Variants in RRAD observed in about 807,000 individuals in gnomAD.
RRAD encodes GTP-binding protein RAD.
RRAD carries 15 observed loss-of-function variants against 24.7 expected under a neutral mutation model. That is an observed-to-expected ratio of 0.61 (90% CI 0.41 to 0.93). The LOEUF is 0.93. RRAD is among the 40% of genes least tolerant of loss of function. The pLI is 0.00. For missense variants in RRAD, 438 were observed against 452.2 expected (o/e 0.97, Z 0.29); for synonymous variants, 180 against 189.8 (o/e 0.95, Z 0.43).
chr16:66,924,998 G>T lies in RRAD; in HGVS notation c.182C>A (p.Ala61Asp). 7.0e-7 allele frequency: 1 copy of T among 1,430,184 alleles called. No homozygotes were observed. The highest frequency in any genetic ancestry group is 9.2e-7 in the Non-Finnish European group (1 of 1,087,426). 88.6% of individuals were successfully genotyped at this position (1,430,184 alleles called of 1,614,324 possible). A position where few individuals can be genotyped will look rare whatever the true frequency, so the allele number is the denominator to read the frequency against. ...LTPGALTAAA[A>D]GTGTQGPRLD... ...CCTGGGACCCTGGGTCCCCGTCCCGGCCGCGGCCGCCGTCAGGGCACCCGG... is the reference window on the plus strand; with the variant it reads ...CCTGGGACCCTGGGTCCCCGTCCCGTCCGCGGCCGCCGTCAGGGCACCCGG... The change falls in exon 2 of 5, where the codon GCC (alanine) becomes GAC (aspartate). Residue 61 changes from alanine (A) to aspartate (D), a missense_variant. Physicochemically the swap from Ala to Asp is moderately radical, Grantham distance 126 (BLOSUM62 -2). Coordinates refer to ENST00000299759, the MANE Select transcript of RRAD (RefSeq NM_004165.3). The surrounding 1 kb of genome is among the most constrained non-coding windows in gnomAD (Gnocchi z 4.2).
Position 66,921,800 on chromosome 16 carries a change from C to T in RRAD, c.*276G>A, listed in dbSNP as rs1234829505. ...CTGTGAAAAAAGGCAGAGTCCTCTC[C>T]CGGCACGCAGGCCTGCCCGGCGGCT... On this transcript the variant is annotated 3_prime_UTR_variant, in exon 5 of 5. Coordinates refer to ENST00000299759, the MANE Select transcript of RRAD (RefSeq NM_004165.3). The T allele has an allele frequency of 2.5e-6, 1 of 403,284 alleles. No homozygotes were observed. Among genetic ancestry groups the T allele is most frequent in the Admixed American group, 4.3e-5 (1 of 23,214 alleles). The allele number at this position is 403,284 out of a possible 1,614,324, so 25.0% of individuals were successfully genotyped here. A position where few individuals can be genotyped will look rare whatever the true frequency, so the allele number is the denominator to read the frequency against.
Position 66,925,021 on chromosome 16 carries a change from C to A in RRAD, c.159G>T (p.Pro53=), listed in dbSNP as rs1350018860. The A allele has an allele frequency of 1.4e-6, 2 of 1,402,580 alleles. No individual in the cohort carries two copies. Among genetic ancestry groups the A allele is most frequent in the Admixed American group, 5.1e-5 (2 of 38,952 alleles). 86.9% of individuals were successfully genotyped at this position (1,402,580 alleles called of 1,614,324 possible). The change falls in exon 2 of 5, where the codon CCG becomes CCT. Residue 53 remains proline (P), a synonymous_variant. Transcript: ENST00000299759. This position sits in a 1 kb window ranked among gnomAD's most constrained non-coding sequence, Gnocchi z 5.2. The stretch of plus-strand genomic sequence containing the variant: ...CGGCCGCGGCCGCCGTCAGGGCACC[C>A]GGGGTCAGCGCCGCCTGCAGGTCGC... ...DERDLQAALT[P]GALTAAAAGT...
In RRAD at chr16:66,923,524, G is replaced by A. The variant is rs747510316; in HGVS notation, c.641C>T (p.Ser214Leu). 25 of 1,605,080 alleles carry A rather than the reference G, an allele frequency of 1.6e-5. No individual in the cohort carries two copies. Among genetic ancestry groups the A allele is most frequent in the African/African-American group, 1.3e-4 (10 of 74,360 alleles). Residue 214 changes from serine to leucine, a missense_variant, in exon 4 of 5, where the codon TCG (serine) becomes TTG (leucine). Coordinates refer to ENST00000299759, the MANE Select transcript of RRAD (RefSeq NM_004165.3). This position sits in a 1 kb window ranked among gnomAD's most constrained non-coding sequence, Gnocchi z 4.9. The stretch of plus-strand genomic sequence containing the variant: ...ACCTGCCGCCTACTCACCATCCACC[G>A]AGACCTCACGAGAGCGCACCAGGTC... ...KSDLVRSREV[S>L]VDEGRACAVV...
rs375350842 is a variant in RRAD, at chr16:66,924,832, G to A, written c.348C>T (p.Asp116=). Residue 116 remains aspartate (D), a synonymous_variant, in exon 2 of 5, where the codon GAC becomes GAT. Coordinates refer to ENST00000299759, the MANE Select transcript of RRAD (RefSeq NM_004165.3). The surrounding 1 kb of genome is among the most constrained non-coding windows in gnomAD (Gnocchi z 4.2). The part of the protein sequence containing the change: ...ALARIFGGVE[D]GPEAEAAGHT... ...CACCTGCTGCCTCTGCTTCAGGCCC[G>A]TCCTCCACACCGCCGAAGATGCGCG... 1.7e-5 allele frequency: 27 copies of A among 1,585,296 alleles called. No individual in the cohort carries two copies. The African/African-American group carries it at 2.1e-4, about 13-fold the overall frequency.
At position 66,922,001 on chromosome 16, in the gene RRAD, G is replaced by T; in HGVS notation, c.*75C>A. The T allele has an allele frequency of 7.2e-7, 1 of 1,393,698 alleles. No homozygotes were observed. The highest frequency in any genetic ancestry group is 9.9e-7 in the Non-Finnish European group (1 of 1,014,782). The allele number at this position is 1,393,698 out of a possible 1,614,324, so 86.3% of individuals were successfully genotyped here. On this transcript the variant is annotated 3_prime_UTR_variant, in exon 5 of 5. Transcript: ENST00000299759. The stretch of plus-strand genomic sequence containing the variant: ...ACCCAGAGTCTGAGCCTGCTCTGAG[G>T]CACCCGGGGCAGTTGGCTGGGCCAG...
chr16:66,925,404 C>T lies in RRAD; in HGVS notation c.-16+5G>A, dbSNP rs1962986061. The stretch of plus-strand genomic sequence containing the variant: ...GCCCCGACCCCGCTCCGCCAGGACA[C>T]TCACCCACTCGCACACAGACACGCT... On this transcript the variant is annotated splice_donor_5th_base_variant and intron_variant, in intron 1 of 4. Coordinates refer to ENST00000299759, the MANE Select transcript of RRAD (RefSeq NM_004165.3). The surrounding 1 kb of genome is among the most constrained non-coding windows in gnomAD (Gnocchi z 5.2). The T allele has an allele frequency of 2.8e-6, 1 of 356,264 alleles. No individual in the cohort carries two copies. Among genetic ancestry groups the T allele is most frequent in the Non-Finnish European group, 5.0e-6 (1 of 200,924 alleles). The allele number at this position is 356,264 out of a possible 1,614,324, so 22.1% of individuals were successfully genotyped here.
In RRAD at chr16:66,921,993, G is replaced by T. The variant is rs772841767; in HGVS notation, c.*83C>A. On this transcript the variant is annotated 3_prime_UTR_variant, in exon 5 of 5. Transcript: ENST00000299759. ...TCCGAGGGACCCAGAGTCTGAGCCT[G>T]CTCTGAGGCACCCGGGGCAGTTGGC... 1.5e-6 allele frequency: 2 copies of T among 1,323,892 alleles called. No homozygotes were observed. The highest frequency in any genetic ancestry group is 1.0e-6 in the Non-Finnish European group (1 of 954,350). The allele number at this position is 1,323,892 out of a possible 1,614,324, so 82.0% of individuals were successfully genotyped here.
Position 66,925,090 on chromosome 16 carries a change from G to A in RRAD, c.90C>T (p.Gly30=), listed in dbSNP as rs113404232. Residue 30 remains glycine, a synonymous_variant, in exon 2 of 5, where the codon GGC becomes GGT. Coordinates refer to ENST00000299759, the MANE Select transcript of RRAD (RefSeq NM_004165.3). The surrounding 1 kb of genome is among the most constrained non-coding windows in gnomAD (Gnocchi z 5.2). The part of the protein sequence containing the change: ...RERRRGSTPW[G]PAPPLHRRSM... ...TGCGGCGGTGCAGCGGCGGGGCGGG[G>A]CCCCAGGGTGTGCTGCCCCGACGGC... 36,516 of 1,242,512 alleles carry A rather than the reference G, an allele frequency of 0.029. 1,134 individuals carry two copies. The highest frequency in any genetic ancestry group is 0.15 in the African/African-American group (9,810 of 64,196). 77.0% of individuals were successfully genotyped at this position (1,242,512 alleles called of 1,614,324 possible).
At position 66,922,272 on chromosome 16, in the gene RRAD, A is replaced by T. The variant is rs1302196170; in HGVS notation, c.731T>A (p.Phe244Tyr). ...GCGTATCTGGCGCACGACACCTTCA[A>T]ACAGCGCCTGGACATTGTGGTGCAA... ...AALHHNVQAL[F>Y]EGVVRQIRLR... Residue 244 changes from phenylalanine to tyrosine, a missense_variant, in exon 5 of 5, where the codon TTT becomes TAT. Phe to Tyr is a conservative substitution (Grantham distance 22). Coordinates refer to ENST00000299759, the MANE Select transcript of RRAD (RefSeq NM_004165.3). 2 of 1,613,904 alleles carry T rather than the reference A, an allele frequency of 1.2e-6. No homozygotes were observed. Among genetic ancestry groups the T allele is most frequent in the Non-Finnish European group, 1.7e-6 (2 of 1,179,872 alleles).
Position 66,925,058 on chromosome 16 carries a change from G to A in RRAD, c.122C>T (p.Pro41Leu). Reference protein sequence around the residue: ...PAPPLHRRSMPVDERDLQAAL... With the variant: ...PAPPLHRRSMLVDERDLQAAL... Reference sequence around the variant, plus strand: ...CGCCTGCAGGTCGCGCTCGTCCACCGGCATGCTGCGGCGGTGCAGCGGCGG... The same window carrying A: ...CGCCTGCAGGTCGCGCTCGTCCACCAGCATGCTGCGGCGGTGCAGCGGCGG... Residue 41 changes from proline (P) to leucine (L), a missense_variant, in exon 2 of 5, where the codon CCG becomes CTG. Transcript: ENST00000299759. The surrounding 1 kb of genome is among the most constrained non-coding windows in gnomAD (Gnocchi z 5.2). 4 of 1,300,840 alleles carry A rather than the reference G, an allele frequency of 3.1e-6. No individual in the cohort carries two copies. Among genetic ancestry groups the A allele is most frequent in the Non-Finnish European group, 2.9e-6 (3 of 1,026,418 alleles). The allele number at this position is 1,300,840 out of a possible 1,614,324, so 80.6% of individuals were successfully genotyped here. A position where few individuals can be genotyped will look rare whatever the true frequency, so the allele number is the denominator to read the frequency against.
rs1962951403 is a variant in RRAD, at chr16:66,923,727, A to T, written c.445-7T>A. On this transcript the variant is annotated splice_region_variant and splice_polypyrimidine_tract_variant and intron_variant, in intron 3 of 4. Coordinates refer to ENST00000299759, the MANE Select transcript of RRAD (RefSeq NM_004165.3). This position sits in a 1 kb window ranked among gnomAD's most constrained non-coding sequence, Gnocchi z 4.9. Reference sequence around the variant, plus strand: ...GCAACCAGCGGCCCCCGTCCTGGAGAACACACAACACACATCTGCCCAACA... The same window carrying T: ...GCAACCAGCGGCCCCCGTCCTGGAGTACACACAACACACATCTGCCCAACA... 1.2e-6 allele frequency: 2 copies of T among 1,613,768 alleles called. No individual in the cohort carries two copies. Among genetic ancestry groups the T allele is most frequent in the African/African-American group, 2.7e-5 (2 of 74,844 alleles).
chr16:66,924,547 C>A lies in RRAD; in HGVS notation c.370+263G>T, dbSNP rs529586685. On this transcript the variant is annotated intron_variant, in intron 2 of 4. Transcript: ENST00000299759. This position sits in a 1 kb window ranked among gnomAD's most constrained non-coding sequence, Gnocchi z 4.2. Reference sequence around the variant, plus strand: ...GGGCGTGGTAGCAGGCGCCTGTAATCCTAGCTACTCTGGAGGCTGAGGCAG... The same window carrying A: ...GGGCGTGGTAGCAGGCGCCTGTAATACTAGCTACTCTGGAGGCTGAGGCAG... Among the ~76,000 whole-genome samples, 105 of 152,244 alleles carry A rather than the reference C, an allele frequency of 6.9e-4. No homozygotes were observed. The highest frequency in any genetic ancestry group is 2.4e-3 in the African/African-American group (99 of 41,546).
Position 66,924,624 on chromosome 16 carries a change from C to A in RRAD, c.370+186G>T, listed in dbSNP as rs896915166. Among the ~76,000 whole-genome samples, 1 of 152,084 alleles carries A rather than the reference C, an allele frequency of 6.6e-6. No individual in the cohort carries two copies. The highest frequency in any genetic ancestry group is 6.5e-5 in the Admixed American group (1 of 15,270). On this transcript the variant is annotated intron_variant, in intron 2 of 4. Transcript: ENST00000299759. The surrounding 1 kb of genome is among the most constrained non-coding windows in gnomAD (Gnocchi z 4.2). The stretch of plus-strand genomic sequence containing the variant: ...AGGTTGCAGTGAGCCTAGATCGAGG[C>A]CACTGCACTCCAGCCTGGGAAAAAG...
In RRAD at chr16:66,924,773, G is replaced by A. The variant is rs1205247046; in HGVS notation, c.370+37C>T. The A allele has an allele frequency of 3.5e-6, 5 of 1,422,128 alleles. No individual in the cohort carries two copies. The highest frequency in any genetic ancestry group is 2.6e-5 in the East Asian group (1 of 38,410). 88.1% of individuals were successfully genotyped at this position (1,422,128 alleles called of 1,614,324 possible). A position where few individuals can be genotyped will look rare whatever the true frequency, so the allele number is the denominator to read the frequency against. On this transcript the variant is annotated intron_variant, in intron 2 of 4. Coordinates refer to ENST00000299759, the MANE Select transcript of RRAD (RefSeq NM_004165.3). The surrounding 1 kb of genome is among the most constrained non-coding windows in gnomAD (Gnocchi z 4.2). ...GGTCTCAGCCCCTAGTCCTAGCCCC[G>A]GGATCGCCCCTCCCCTGAACAGCTG...
intron 4 of RRAD, among the ~76,000 whole-genome samples, chr16:66,922,993 C>G (rs573529028): frequency 3.9e-4 from 59 of 152,350 alleles, no homozygotes; most frequent in African/African-American, 1.3e-3. Flanking sequence ...CCCCGCACAA[C>G]TTAGTATTTT....
rs1440362226 is a variant in RRAD, at chr16:66,923,557, T to G, written c.608A>C (p.Asn203Thr). The G allele has an allele frequency of 1.2e-6, 2 of 1,611,716 alleles. No individual in the cohort carries two copies. The highest frequency in any genetic ancestry group is 1.7e-6 in the Non-Finnish European group (2 of 1,179,922). ...ACGAGAGCGCACCAGGTCGCTCTTGTTGCCCACGAGGATGATGGGCACATC... is the reference window on the plus strand; with the variant it reads ...ACGAGAGCGCACCAGGTCGCTCTTGGTGCCCACGAGGATGATGGGCACATC... ...TDDVPIILVG[N>T]KSDLVRSREV... Residue 203 changes from asparagine to threonine, a missense_variant, in exon 4 of 5, where the codon AAC becomes ACC. Transcript: ENST00000299759. This position sits in a 1 kb window ranked among gnomAD's most constrained non-coding sequence, Gnocchi z 4.9.
Position 66,925,166 on chromosome 16 carries a change from C to T in RRAD, c.14G>A (p.Gly5Asp), listed in dbSNP as rs1232495202. The stretch of plus-strand genomic sequence containing the variant: ...GCTCCCGCCCGCTCCGCTGCCGCCG[C>T]CGTTCAGGGTCATCGCGTCCGGGAC... MTLN[G>D]GGSGAGGSRG... The change falls in exon 2 of 5, where the codon GGC becomes GAC. Residue 5 changes from glycine (G) to aspartate (D), a missense_variant. Coordinates refer to ENST00000299759, the MANE Select transcript of RRAD (RefSeq NM_004165.3). This position sits in a 1 kb window ranked among gnomAD's most constrained non-coding sequence, Gnocchi z 5.2. 1 of 1,238,862 alleles carries T rather than the reference C, an allele frequency of 8.1e-7. No individual in the cohort carries two copies. Among genetic ancestry groups the T allele is most frequent in the Non-Finnish European group, 1.0e-6 (1 of 991,994 alleles). 76.7% of individuals were successfully genotyped at this position (1,238,862 alleles called of 1,614,324 possible).
chr16:66,925,121 C>T lies in RRAD; in HGVS notation c.59G>A (p.Arg20His). ...GGGTGTGCTGCCCCGACGGCGCTCG[C>T]GCTCCTGGCCCCCACCGCGGCTCCC... Reference protein sequence around the residue: ...AGGSRGGGQERERRRGSTPWG... With the variant: ...AGGSRGGGQEHERRRGSTPWG... The change falls in exon 2 of 5, where the codon CGC (arginine) becomes CAC (histidine). Residue 20 changes from arginine (R) to histidine (H), a missense_variant. Arg to His is a conservative substitution (Grantham distance 29). Transcript: ENST00000299759. The surrounding 1 kb of genome is among the most constrained non-coding windows in gnomAD (Gnocchi z 5.2). 8.2e-7 allele frequency: 1 copy of T among 1,226,378 alleles called. No homozygotes were observed. Among genetic ancestry groups the T allele is most frequent in the Non-Finnish European group, 1.0e-6 (1 of 984,968 alleles). The allele number at this position is 1,226,378 out of a possible 1,614,324, so 76.0% of individuals were successfully genotyped here. A position where few individuals can be genotyped will look rare whatever the true frequency, so the allele number is the denominator to read the frequency against.
Position 66,923,788 on chromosome 16 carries a change from G to C in RRAD, c.444+58C>G. On this transcript the variant is annotated intron_variant, in intron 3 of 4. Coordinates refer to ENST00000299759, the MANE Select transcript of RRAD (RefSeq NM_004165.3). This position sits in a 1 kb window ranked among gnomAD's most constrained non-coding sequence, Gnocchi z 4.9. ...CCCCGACACGAGCCTGGCACTCCCA[G>C]ACCTCTAACCCAACTCACTCCTCCC... 6.2e-7 allele frequency: 1 copy of C among 1,609,772 alleles called. No individual in the cohort carries two copies. The highest frequency in any genetic ancestry group is 8.5e-7 in the Non-Finnish European group (1 of 1,176,278).
Sources: gnomAD v4.1 joint callset for allele counts (sites outside exome capture counted in the v4.1 genomes callset) on GRCh38, gnomAD v4.1.1 for gene constraint, Gnocchi (gnomAD v3.1) non-coding constraint, MANE v1.5 for transcripts, NCBI Gene and HGNC (gene_info 2026-07-23, HGNC 2026-07-21) for gene names.